Variants in GTF2E1 observed in about 807,000 individuals in gnomAD.
GTF2E1 encodes general transcription factor IIE subunit 1, also known as TFIIE alpha subunit.
A neutral mutation model predicts 34.9 loss-of-function variants in GTF2E1; 14 were observed. That is an observed-to-expected ratio of 0.40 (90% confidence interval 0.27 to 0.63). GTF2E1 has a LOEUF of 0.63. Ranked by LOEUF, GTF2E1 falls within the 20% of genes least tolerant of loss-of-function variation. The pLI is 0.39. For synonymous variants in GTF2E1, 188 were observed against 192.9 expected (o/e 0.97, Z 0.21); for missense variants, 469 against 557.7 (o/e 0.84, Z 1.60).
intron 4 of GTF2E1, among the ~76,000 whole-genome samples, chr3:120,777,203 G>A (rs927968797): frequency 1.3e-5 from 2 of 152,140 alleles, no homozygotes; most frequent in African/African-American, 4.8e-5. Context: ...AGGCATAAAG[G>A]GTTAAGAATT....
chr3:120,744,821 C>T (rs1709091783), intron 1 of GTF2E1, among the ~76,000 whole-genome samples: 1 of 152,116 alleles, frequency 6.6e-6, no homozygotes, highest in Non-Finnish European at 1.5e-5. Flanking sequence ...ATTATGAATG[C>T]CAGTACTTAA....
chr3:120,780,989 A>G, intron 4 of GTF2E1, 54 bp from the exon 5 acceptor site: 1 of 1,197,506 alleles, frequency 8.4e-7, no homozygotes, highest in Non-Finnish European at 1.2e-6. Context: ...TATATGCTAT[A>G]AAGAAATGCC....
intron 2 of GTF2E1, among the ~76,000 whole-genome samples, chr3:120,754,337 C>CT (rs2107606502): frequency 1.3e-5 from 2 of 152,254 alleles, no homozygotes; most frequent in African/African-American, 4.8e-5. Flanking sequence ...AGCCACCAGC[C>CT]TTTTACGTAT....
At position 120,768,493 on chromosome 3, in the gene GTF2E1, A is replaced by G. The variant is rs139662998; in HGVS notation, c.449-2235A>G. On this transcript the variant is annotated intron_variant, in intron 2 of 4. Coordinates refer to ENST00000283875, the MANE Select transcript of GTF2E1 (RefSeq NM_005513.3). ...CCAGAGCATTTGCTTTTATGTTTAT[A>G]TATTAATCACCTTTCCATTTGAGAA... is the stretch of plus-strand genomic sequence containing the variant. Among the ~76,000 whole-genome samples the G allele has an allele frequency of 4.6e-5, 7 of 152,290 alleles. No individual in the cohort carries two copies. In the East Asian group the frequency reaches 1.4e-3, roughly 29 times the overall value.
intron 2 of GTF2E1, among the ~76,000 whole-genome samples, chr3:120,765,160 G>T (rs1475533760): frequency 4.0e-5 from 6 of 151,176 alleles, no homozygotes; most frequent in Admixed American, 1.3e-4. Context: ...CCCACAATTA[G>T]GTCTCCATTT....
intron 3 of GTF2E1, among the ~76,000 whole-genome samples, chr3:120,773,483 T>C (rs1445825647): frequency 3.3e-5 from 5 of 152,136 alleles, no homozygotes; most frequent in Admixed American, 2.6e-4. Flanking sequence ...AACTAGGGGC[T>C]ACCTCTGCAG....
chr3:120,747,437 C>T (rs1228454157), intron 1 of GTF2E1, among the ~76,000 whole-genome samples: 1 of 152,052 alleles, frequency 6.6e-6, no homozygotes, highest in African/African-American at 2.4e-5. Flanking sequence ...GTGATGTTCG[C>T]CTTCCTGTGT....
At chr3:120,751,802 G>T (rs1172176015) in intron 2 of GTF2E1, among the ~76,000 whole-genome samples, 1 of 152,078 alleles carries the variant, frequency 6.6e-6, no homozygotes, top group African/African-American at 2.4e-5. Context: ...TCTATAGAAG[G>T]ACTCAGTGCT....
At chr3:120,749,628 G>C (rs1168787196) in intron 1 of GTF2E1, 4 of 152,284 alleles carry the variant, frequency 2.6e-5, no homozygotes, top group South Asian at 2.1e-4. Flanking sequence ...TGGATAATAA[G>C]CTTTTTGATG....
At chr3:120,744,076 G>A (rs1709083346) in intron 1 of GTF2E1, among the ~76,000 whole-genome samples, 1 of 152,088 alleles carries the variant, frequency 6.6e-6, no homozygotes, top group Non-Finnish European at 1.5e-5. Flanking sequence ...GCTGCTATTC[G>A]GCTTCAGCTT....
intron 2 of GTF2E1, among the ~76,000 whole-genome samples, chr3:120,766,390 A>G (rs1709307847): frequency 6.6e-6 from 1 of 152,172 alleles, no homozygotes; most frequent in South Asian, 2.1e-4. Context: ...TCCTATTACT[A>G]AAGAATAAAG....
intron 2 of GTF2E1, among the ~76,000 whole-genome samples, chr3:120,756,730 A>C (rs1709212912): frequency 6.6e-6 from 1 of 152,126 alleles, no homozygotes; most frequent in Non-Finnish European, 1.5e-5. Flanking sequence ...GTTCAAGACC[A>C]GCCTGGCCAA....
Position 120,750,900 on chromosome 3 carries a change from C to T in GTF2E1, c.348C>T (p.Thr116=), listed in dbSNP as rs371604368. ...ACCACATGAGAAGAAGAATTGAGACCGATGAGAGAGATTCGACCAACCGGG... is the reference window on the plus strand; with the variant it reads ...ACCACATGAGAAGAAGAATTGAGACTGATGAGAGAGATTCGACCAACCGGG... ...KLDHMRRRIE[T]DERDSTNRAS... is the part of the protein sequence containing the mutation. The change falls in exon 2 of 5, where the codon ACC becomes ACT. Residue 116 remains threonine (T), a synonymous_variant. Coordinates refer to ENST00000283875, the MANE Select transcript of GTF2E1 (RefSeq NM_005513.3). 42 of 1,613,690 alleles carry T rather than the reference C, an allele frequency of 2.6e-5. No homozygotes were observed. The highest frequency in any genetic ancestry group is 2.5e-4 in the Admixed American group (15 of 59,980).
intron 2 of GTF2E1, among the ~76,000 whole-genome samples, chr3:120,763,663 G>A (rs1300736274): frequency 6.6e-6 from 1 of 152,134 alleles, no homozygotes; most frequent in Non-Finnish European, 1.5e-5. Context: ...GTGAAGGGGA[G>A]TAAAAAACTT....
chr3:120,769,679 T>C (rs998805595), intron 2 of GTF2E1, among the ~76,000 whole-genome samples: 1 of 152,190 alleles, frequency 6.6e-6, no homozygotes, highest in Non-Finnish European at 1.5e-5. Context: ...AATTCCACAG[T>C]GGCTTGGGTT....
intron 2 of GTF2E1, among the ~76,000 whole-genome samples, chr3:120,770,430 G>T (rs1038594489): frequency 2.6e-5 from 4 of 152,132 alleles, no homozygotes; most frequent in African/African-American, 9.7e-5. Context: ...AAGCTGTAAA[G>T]AATTTGGCTT....
intron 2 of GTF2E1, among the ~76,000 whole-genome samples, chr3:120,755,972 A>G (rs1285356592): frequency 6.6e-6 from 1 of 152,154 alleles, no homozygotes; most frequent in Non-Finnish European, 1.5e-5. Context: ...ATAGTACTCC[A>G]TTGTGTATGT....
At chr3:120,761,952 G>A (rs1226485825) in intron 2 of GTF2E1, among the ~76,000 whole-genome samples, 1 of 151,914 alleles carries the variant, frequency 6.6e-6, no homozygotes, top group Non-Finnish European at 1.5e-5. Flanking sequence ...TACCACGCCC[G>A]GCTAATTTTT....
chr3:120,762,015 C>A (rs1398251100), intron 2 of GTF2E1, among the ~76,000 whole-genome samples: 1 of 152,128 alleles, frequency 6.6e-6, no homozygotes, highest in Non-Finnish European at 1.5e-5. Flanking sequence ...TGGTCTCGAT[C>A]TCCTGACCTC....
Sources: gnomAD v4.1 joint callset for allele counts (sites outside exome capture counted in the v4.1 genomes callset) on GRCh38, gnomAD v4.1.1 for gene constraint, MANE v1.5 for transcripts, NCBI Gene and HGNC (gene_info 2026-07-23, HGNC 2026-07-21) for gene names.